ADAMTS5: variants seen among roughly 807,000 people sequenced by gnomAD.
ADAMTS5 encodes the protein ADAM metallopeptidase with thrombospondin type 1 motif 5, also known as A disintegrin and metalloproteinase with thrombospondin motifs 5.
A neutral mutation model predicts 81.4 loss-of-function variants in ADAMTS5; 54 were observed. The observed-to-expected ratio is 0.66, with a 90% confidence interval of 0.53 to 0.83. The LOEUF (loss-of-function observed/expected upper bound fraction) is 0.83. ADAMTS5 is among the 40% of genes least tolerant of loss of function. The pLI is 0.00. For synonymous variants in ADAMTS5, 532 were observed against 508.8 expected (o/e 1.05, Z -0.61); for missense variants, 1,194 against 1,229.9 (o/e 0.97, Z 0.44).
intron 3 of ADAMTS5, among the ~76,000 whole-genome samples, chr21:26,941,836 T>C (rs229050): frequency 0.3 from 46,244 of 151,964 alleles, 7,587 homozygotes; most frequent in South Asian, 0.42. Flanking sequence ...TATGAGATAC[T>C]GACCTGATCA....
chr21:26,947,513 A>G (rs1302016929), intron 2 of ADAMTS5, among the ~76,000 whole-genome samples: 1 of 151,286 alleles, frequency 6.6e-6, no homozygotes, highest in Non-Finnish European at 1.5e-5. Flanking sequence ...TGCTCACTGC[A>G]ATCTCCACCT....
chr21:26,932,301 C>T lies in ADAMTS5; in HGVS notation c.1874-122G>A, dbSNP rs16979455. The T allele has an allele frequency of 1.9e-3, 1,864 of 968,538 alleles. 21 individuals carry two copies. The African/African-American group carries it at 0.027, about 14-fold the overall frequency. The allele number at this position is 968,538 out of a possible 1,614,324, so 60.0% of individuals were successfully genotyped here. A position where few individuals can be genotyped will look rare whatever the true frequency, so the allele number is the denominator to read the frequency against. On this transcript the variant is annotated intron_variant, in intron 5 of 7. Transcript: ENST00000284987. ...ACGTGTTTTTTTTATCCCACAGTCT[C>T]TTTACTCACCAATGCTGATGGATTT...
rs777376079 is a variant in ADAMTS5, at chr21:26,934,609, G to A, written c.1546C>T (p.Arg516Cys). 9.3e-6 allele frequency: 15 copies of A among 1,614,128 alleles called. 1 individual carries two copies. The South Asian group carries it at 9.9e-5, about 11-fold the overall frequency. Residue 516 changes from arginine to cysteine, a missense_variant, in exon 4 of 8, where the codon CGC becomes TGC. By Grantham distance (180) the Arg-to-Cys change is radical (BLOSUM62 -3). Transcript: ENST00000284987. ...TGGCGTACCACAGCACACCACAGGC[G>A]AGCACAGACATCCATGCCGGGACAC... The part of the protein sequence containing the change: ...SVCPGMDVCA[R>C]LWCAVVRQGQ...
chr21:26,951,741 T>C (rs895557982), intron 2 of ADAMTS5, among the ~76,000 whole-genome samples: 1 of 134,798 alleles, frequency 7.4e-6, no homozygotes, highest in African/African-American at 2.9e-5. Context: ...GAGAGAAGAT[T>C]GCAGGAATTG....
At chr21:26,933,273 C>T (rs1568841231) in intron 4 of ADAMTS5, among the ~76,000 whole-genome samples, 1 of 152,160 alleles carries the variant, frequency 6.6e-6, no homozygotes, top group Non-Finnish European at 1.5e-5. Context: ...CTGAAAGCAT[C>T]ATCCTAAGTA....
intron 1 of ADAMTS5, among the ~76,000 whole-genome samples, chr21:26,958,802 A>G (rs1473095900): frequency 6.6e-6 from 1 of 152,212 alleles, no homozygotes. Flanking sequence ...GACTTCCATT[A>G]TGAACAGATT....
chr21:26,929,903 T>C lies in ADAMTS5; in HGVS notation c.2208A>G (p.Gly736=). 6.2e-7 allele frequency: 1 copy of C among 1,614,032 alleles called. No individual in the cohort carries two copies. ...CATATTACCTTTTCTTATTAAAGGT[T>C]CCAACAATCTTTGTACAGCTGGAGT... ...GDNSSCTKIV[G]TFNKKSKGYT... is the part of the protein sequence containing the mutation. Residue 736 remains glycine (G), a synonymous_variant, in exon 7 of 8, where the codon GGA becomes GGG. Transcript: ENST00000284987.
At chr21:26,937,778 T>C (rs972043358) in intron 3 of ADAMTS5, among the ~76,000 whole-genome samples, 7 of 152,202 alleles carry the variant, frequency 4.6e-5, no homozygotes, top group Non-Finnish European at 8.8e-5. Flanking sequence ...CTGATTTTTT[T>C]CTTAATCTGT....
chr21:26,957,201 C>T (rs906168345), intron 1 of ADAMTS5, among the ~76,000 whole-genome samples: 10 of 152,172 alleles, frequency 6.6e-5, no homozygotes, highest in African/African-American at 1.4e-4. Flanking sequence ...TACAGCATCT[C>T]GCATTCATGT....
chr21:26,966,155 T>C lies in ADAMTS5; in HGVS notation c.237A>G (p.Gln79=), dbSNP rs774858671. The change falls in exon 1 of 8, where the codon CAA becomes CAG. Residue 79 remains glutamine (Q), a synonymous_variant. Transcript: ENST00000284987. ...CCACCTTGCCGCCGCCGGAGTAGAG[T>C]TGGTCGATGTTCTGCACCAGCCCCT... is the stretch of plus-strand genomic sequence containing the variant. ...RSKGLVQNID[Q]LYSGGGKVGY... The C allele has an allele frequency of 8.1e-6, 13 of 1,610,300 alleles. No homozygotes were observed. Among genetic ancestry groups the C allele is most frequent in the Middle Eastern group, 1.6e-4 (1 of 6,066 alleles).
chr21:26,938,769 A>G (rs1987062704), intron 3 of ADAMTS5, among the ~76,000 whole-genome samples: 1 of 152,210 alleles, frequency 6.6e-6, no homozygotes, highest in South Asian at 2.1e-4. Flanking sequence ...ACCTCAGGTG[A>G]TCCGCCCACC....
intron 7 of ADAMTS5, among the ~76,000 whole-genome samples, chr21:26,928,892 A>T (rs1267715702): frequency 6.6e-6 from 1 of 152,030 alleles, no homozygotes; most frequent in South Asian, 2.1e-4. Context: ...GATCATCTCC[A>T]AGGTGTTTTA....
intron 3 of ADAMTS5, among the ~76,000 whole-genome samples, 156 bp downstream of exon 3, chr21:26,943,224 C>A (rs55785638): frequency 1.3e-5 from 2 of 151,914 alleles, no homozygotes; most frequent in Non-Finnish European, 2.9e-5. Context: ...CAGTACATAC[C>A]CACATATGAT....
chr21:26,934,370 A>T (rs1425795873), intron 4 of ADAMTS5, 96 bp downstream of exon 4: 1 of 1,467,734 alleles, frequency 6.8e-7, no homozygotes, highest in East Asian at 2.3e-5. Context: ...TTTAAATTAG[A>T]AAATAAAGCC....
At chr21:26,959,744 G>A (rs11702696) in intron 1 of ADAMTS5, among the ~76,000 whole-genome samples, 5 of 152,068 alleles carry the variant, frequency 3.3e-5, no homozygotes, top group South Asian at 2.1e-4. Context: ...TCATTAACTC[G>A]CCTCCTTCTC....
At position 26,934,740 on chromosome 21, in the gene ADAMTS5, A is replaced by G. The variant is rs1986981861; in HGVS notation, c.1415T>C (p.Leu472Ser). 1.9e-6 allele frequency: 3 copies of G among 1,613,828 alleles called. No individual in the cohort carries two copies. The highest frequency in any genetic ancestry group is 1.3e-5 in the African/African-American group (1 of 74,918). ...EFLDDGHGNC[L>S]LDLPRKQILG... The stretch of plus-strand genomic sequence containing the variant: ...GATCTGCTTTCGTGGTAGGTCCAGC[A>G]AACAGTTACCTACAAGAATAACTGA... Residue 472 changes from leucine (L) to serine (S), a missense_variant, in exon 4 of 8, where the codon TTG becomes TCG. Physicochemically the swap from Leu to Ser is moderately radical, Grantham distance 145. Transcript: ENST00000284987.
chr21:26,964,976 C>A (rs1987608584), intron 1 of ADAMTS5, among the ~76,000 whole-genome samples: 2 of 152,202 alleles, frequency 1.3e-5, no homozygotes, highest in African/African-American at 4.8e-5. Flanking sequence ...TTAACTGTAT[C>A]ATTTCCCCAA....
At position 26,933,890 on chromosome 21, in the gene ADAMTS5, G is replaced by A. The variant is rs143650207; in HGVS notation, c.1689+576C>T. Among the ~76,000 whole-genome samples the A allele has an allele frequency of 1.5e-3, 233 of 152,206 alleles. 2 individuals are homozygous for A. Among genetic ancestry groups the A allele is most frequent in the African/African-American group, 5.0e-3 (209 of 41,536 alleles). On this transcript the variant is annotated intron_variant, in intron 4 of 7. Transcript: ENST00000284987. Reference sequence around the variant, plus strand: ...TTTGCAAATCTTGTGGGTTGAGAGCGAGCACTTATTTTACTTAGGCCTCGA... The same window carrying A: ...TTTGCAAATCTTGTGGGTTGAGAGCAAGCACTTATTTTACTTAGGCCTCGA...
Position 26,919,551 on chromosome 21 carries a change from C to A in ADAMTS5, c.*4502G>T, listed in dbSNP as rs1401585421. 1 of 151,724 alleles carries A rather than the reference C, an allele frequency of 6.6e-6. No individual in the cohort carries two copies. Among genetic ancestry groups the A allele is most frequent in the Non-Finnish European group, 1.5e-5 (1 of 67,920 alleles). 9.4% of individuals were successfully genotyped at this position (151,724 alleles called of 1,614,324 possible). ...ATAAAACCTGCATTGAGAATGATAT[C>A]ATAGCCCCAGGCAGGCATTTACCAG... On this transcript the variant is annotated 3_prime_UTR_variant, in exon 8 of 8. Transcript: ENST00000284987.
Sources: allele counts gnomAD v4.1 joint callset (sites outside exome capture counted in the v4.1 genomes callset), GRCh38; gene constraint gnomAD v4.1.1; transcripts MANE v1.5; gene names NCBI Gene and HGNC (gene_info 2026-07-23, HGNC 2026-07-21).